The following DOCK4 variants were observed in gnomAD, a reference collection of about 807,000 sequenced individuals.
DOCK4 encodes the protein dedicator of cytokinesis protein 4.
DOCK4 carries 97 observed loss-of-function variants against 268.1 expected under a neutral mutation model. That is an observed-to-expected ratio of 0.36 (90% CI 0.31 to 0.43). The LOEUF (loss-of-function observed/expected upper bound fraction) is 0.43. DOCK4 is among the 20% of genes least tolerant of loss of function. The pLI is 1.00. For missense variants in DOCK4, 2,145 were observed against 2,455.7 expected (o/e 0.87, Z 2.67); for synonymous variants, 954 against 887.2 (o/e 1.08, Z -1.34).
At chr7:111,817,075 C>T (rs770089806) in intron 27 of DOCK4, among the ~76,000 whole-genome samples, 17 of 152,306 alleles carry the variant, frequency 1.1e-4, no homozygotes, top group Admixed American at 3.9e-4. Flanking sequence ...TCTGTTTTGA[C>T]CTCTTAGGCT....
intron 1 of DOCK4, among the ~76,000 whole-genome samples, chr7:112,205,156 G>C (rs998749846): frequency 6.6e-6 from 1 of 152,082 alleles, no homozygotes; most frequent in African/African-American, 2.4e-5. Context: ...AAAAGGAAGG[G>C]AGACTCCTGT....
intron 13 of DOCK4, among the ~76,000 whole-genome samples, chr7:111,903,090 T>C (rs1218222782): frequency 6.6e-6 from 1 of 152,136 alleles, no homozygotes; most frequent in East Asian, 1.9e-4. Context: ...TGTCTACAAT[T>C]GGGAGTTTTA....
chr7:111,867,541 T>C (rs1806074315), intron 22 of DOCK4, among the ~76,000 whole-genome samples: 1 of 152,114 alleles, frequency 6.6e-6, no homozygotes, highest in South Asian at 2.1e-4. Flanking sequence ...CCCAGGATGA[T>C]TAGGGTCAAG....
chr7:112,054,763 C>T (rs969510869), intron 1 of DOCK4, among the ~76,000 whole-genome samples: 4 of 152,068 alleles, frequency 2.6e-5, no homozygotes, highest in African/African-American at 4.8e-5. Context: ...TTCCAAAAAT[C>T]TTAAGGTTCG....
intron 13 of DOCK4, among the ~76,000 whole-genome samples, chr7:111,915,067 T>C (rs1050025599): frequency 6.6e-6 from 1 of 152,170 alleles, no homozygotes; most frequent in Admixed American, 6.5e-5. Flanking sequence ...AATTCATAAG[T>C]TGTAGATGAA....
At chr7:112,007,132 A>G (rs189480065) in intron 1 of DOCK4, among the ~76,000 whole-genome samples, 15 of 152,324 alleles carry the variant, frequency 9.8e-5, no homozygotes, top group African/African-American at 2.9e-4. Flanking sequence ...TCCATGTGGA[A>G]TACAATTACT....
intron 25 of DOCK4, among the ~76,000 whole-genome samples, chr7:111,841,381 C>T (rs1803681129): frequency 6.6e-6 from 1 of 151,982 alleles, no homozygotes; most frequent in Admixed American, 6.6e-5. Flanking sequence ...AGGCTGGTCT[C>T]AAACCTCTGC....
chr7:112,073,444 G>C (rs1807782708), intron 1 of DOCK4, among the ~76,000 whole-genome samples: 1 of 151,590 alleles, frequency 6.6e-6, no homozygotes, highest in Non-Finnish European at 1.5e-5. Context: ...TTACAATAAT[G>C]TAATGTAAAA....
At chr7:112,061,543 T>C (rs1171891586) in intron 1 of DOCK4, among the ~76,000 whole-genome samples, 2 of 151,888 alleles carry the variant, frequency 1.3e-5, no homozygotes, top group East Asian at 3.9e-4. Context: ...TAACACTCCA[T>C]CCTTACATTT....
At position 111,822,345 on chromosome 7, in the gene DOCK4, C is replaced by T; in HGVS notation, c.2930+17G>A. ...CTATACATTGAGCTGCAATTATCAT[C>T]AACTTAAATGTCTTACTTGTTAGCA... On this transcript the variant is annotated intron_variant, in intron 27 of 52. Coordinates refer to ENST00000428084, the MANE Select transcript of DOCK4 (RefSeq NM_001363540.2). 1 of 1,598,966 alleles carries T rather than the reference C, an allele frequency of 6.3e-7. No homozygotes were observed. Among genetic ancestry groups the T allele is most frequent in the Non-Finnish European group, 8.6e-7 (1 of 1,168,406 alleles).
At chr7:111,947,738 G>T (rs760099513) in intron 8 of DOCK4, among the ~76,000 whole-genome samples, 1 of 151,676 alleles carries the variant, frequency 6.6e-6, no homozygotes, top group Non-Finnish European at 1.5e-5. Context: ...ATTTTTTTTG[G>T]GTCGGGGGGA....
chr7:111,890,656 A>G (rs1442193932), intron 16 of DOCK4, among the ~76,000 whole-genome samples: 1 of 152,178 alleles, frequency 6.6e-6, no homozygotes, highest in Non-Finnish European at 1.5e-5. Context: ...CAGGTCCTTG[A>G]CAAAGTATTT....
chr7:111,882,998 G>A (rs370963063), intron 16 of DOCK4, among the ~76,000 whole-genome samples: 37 of 152,246 alleles, frequency 2.4e-4, no homozygotes, highest in African/African-American at 8.7e-4. Context: ...TAATACACCT[G>A]TCCAGTAACA....
intron 42 of DOCK4, among the ~76,000 whole-genome samples, chr7:111,753,871 CAG>C (rs995693709): frequency 3.9e-5 from 6 of 152,184 alleles, no homozygotes; most frequent in African/African-American, 1.4e-4. Context: ...TTCCATTTGA[CAG>C]AACATAAGAT....
chr7:112,092,025 TC>T (rs1809679961), intron 1 of DOCK4, among the ~76,000 whole-genome samples: 1 of 152,156 alleles, frequency 6.6e-6, no homozygotes, highest in African/African-American at 2.4e-5. Context: ...GGTGAGCACT[TC>T]GTAAGCAACC....
intron 16 of DOCK4, among the ~76,000 whole-genome samples, chr7:111,877,747 T>A (rs754505830): frequency 6.6e-6 from 1 of 152,202 alleles, no homozygotes; most frequent in African/African-American, 2.4e-5. Flanking sequence ...AGCTAACACA[T>A]GTAAAAGCAA....
intron 13 of DOCK4, among the ~76,000 whole-genome samples, chr7:111,908,147 T>C (rs769760747): frequency 2.0e-5 from 3 of 152,094 alleles, no homozygotes; most frequent in Non-Finnish European, 2.9e-5. Flanking sequence ...TATCAGTACA[T>C]AGTAAGGAAT....
chr7:111,994,076 A>G, intron 5 of DOCK4, 59 bp downstream of exon 5: 1 of 1,127,828 alleles, frequency 8.9e-7, no homozygotes, highest in South Asian at 1.4e-5. Flanking sequence ...ACTCATGTTC[A>G]TGTATTTCTT....
chr7:112,003,944 T>C (rs1432115263), intron 2 of DOCK4, 104 bp downstream of exon 2: 1 of 762,676 alleles, frequency 1.3e-6, no homozygotes, highest in African/African-American at 1.8e-5. Flanking sequence ...AAATGACTTG[T>C]GGTGACTACT....
Sources: gnomAD v4.1 joint callset for allele counts (sites outside exome capture counted in the v4.1 genomes callset) on GRCh38, gnomAD v4.1.1 for gene constraint, MANE v1.5 for transcripts, NCBI Gene and HGNC (gene_info 2026-07-23, HGNC 2026-07-21) for gene names.